MDFIC: variants seen among roughly 807,000 people sequenced by gnomAD.
MDFIC encodes the protein MyoD family inhibitor domain containing.
Under a neutral mutation model 23.2 loss-of-function variants are expected in MDFIC, and 17 were observed. The observed-to-expected ratio is 0.73, with a 90% confidence interval of 0.50 to 1.10. The LOEUF (loss-of-function observed/expected upper bound fraction) is 1.10, where lower values mean the gene tolerates loss of function less well. MDFIC is among the 50% of genes least tolerant of loss of function. The pLI, the probability that MDFIC is intolerant of heterozygous loss-of-function variation, is 0.00. For synonymous variants in MDFIC, 120 were observed against 115.2 expected, an observed-to-expected ratio of 1.04 and a Z score of -0.27; for missense variants, 356 against 316.6, an observed-to-expected ratio of 1.12 and a Z score of -0.95.
At position 114,942,377 on chromosome 7, in the gene MDFIC, C is replaced by T. The variant is rs758416759; in HGVS notation, c.197C>T (p.Ser66Leu). 43 of 1,600,852 alleles carry T rather than the reference C, an allele frequency of 2.7e-5. No individual in the cohort carries two copies. Among genetic ancestry groups the T allele is most frequent in the East Asian group, 4.5e-5 (2 of 44,442 alleles). Residue 66 changes from serine (S) to leucine (L), a missense_variant, in exon 3 of 5, where the codon TCG (serine) becomes TTG (leucine). Ser to Leu is a moderately radical substitution (Grantham distance 145, BLOSUM62 -2). Transcript: ENST00000393486. ...MQDQSIWGNP[S>L]DGELIRTQPQ... ...GACCAGTCCATTTGGGGAAATCCTT[C>T]GGATGGTGAACTCATTAGAAGTAAG...
chr7:114,973,191 A>T (rs571344689), intron 3 of MDFIC, among the ~76,000 whole-genome samples: 1 of 151,910 alleles, frequency 6.6e-6, no homozygotes, highest in East Asian at 1.9e-4. Context: ...GAAGCTATTA[A>T]TGTTTTATAG....
chr7:114,938,539 C>T (rs1792476024), intron 2 of MDFIC, among the ~76,000 whole-genome samples: 1 of 152,082 alleles, frequency 6.6e-6, no homozygotes, highest in African/African-American at 2.4e-5. Flanking sequence ...GAGTTGAAAT[C>T]TCTTAGGTTG....
At chr7:114,979,249 A>C (rs1793372660) in intron 3 of MDFIC, among the ~76,000 whole-genome samples, 1 of 152,166 alleles carries the variant, frequency 6.6e-6, no homozygotes, top group African/African-American at 2.4e-5. Flanking sequence ...AAAACCGCCC[A>C]AAACAGTATT....
intron 3 of MDFIC, among the ~76,000 whole-genome samples, chr7:114,965,990 C>A (rs532299591): frequency 5.9e-5 from 9 of 152,246 alleles, no homozygotes; most frequent in South Asian, 2.1e-4. Flanking sequence ...CATATATGTA[C>A]AGTATGCCAA....
intron 3 of MDFIC, among the ~76,000 whole-genome samples, chr7:114,977,346 T>C (rs572160050): frequency 2.6e-4 from 39 of 152,250 alleles, no homozygotes; most frequent in African/African-American, 7.9e-4. Context: ...AAGGATCATG[T>C]CCATCCATTC....
At chr7:114,965,901 G>T (rs377602497) in intron 3 of MDFIC, among the ~76,000 whole-genome samples, 172 of 152,242 alleles carry the variant, frequency 1.1e-3, no homozygotes, top group African/African-American at 4.0e-3. Flanking sequence ...TTCCCCAGAA[G>T]AGTACTTTGG....
chr7:114,931,826 G>A (rs1051109505), intron 2 of MDFIC, among the ~76,000 whole-genome samples: 4 of 152,154 alleles, frequency 2.6e-5, no homozygotes, highest in African/African-American at 4.8e-5. Context: ...GAATTATGCC[G>A]TGTTGAGCCT....
chr7:114,963,594 G>A (rs527638119), intron 3 of MDFIC, among the ~76,000 whole-genome samples: 1 of 152,246 alleles, frequency 6.6e-6, no homozygotes, highest in Admixed American at 6.5e-5. Context: ...TTGTTTTTGA[G>A]GCAAGATGTG....
chr7:114,929,034 T>A (rs1027314633), intron 2 of MDFIC, among the ~76,000 whole-genome samples: 4 of 149,868 alleles, frequency 2.7e-5, no homozygotes, highest in African/African-American at 9.8e-5. Flanking sequence ...GTAAAAAATA[T>A]AGATATAGAT....
rs1004113871 is a variant in MDFIC, at chr7:115,015,473, CT to C, written c.494-204del. ...TGAACACATGTGCGTACACACAATA[CT>C]TTTTTTTTTTCGAACTAAGTATCTA... On this transcript the variant is annotated intron_variant, in intron 4 of 4. Transcript: ENST00000393486. Among the ~76,000 whole-genome samples, 53 of 147,570 alleles carry C rather than the reference CT, an allele frequency of 3.6e-4. 1 individual carries two copies. In the East Asian group the frequency reaches 3.9e-3, roughly 11 times the overall value.
chr7:114,965,983 A>G (rs1793087626), intron 3 of MDFIC, among the ~76,000 whole-genome samples: 1 of 152,182 alleles, frequency 6.6e-6, no homozygotes. Flanking sequence ...AATTTTCCAT[A>G]TATGTACAGT....
intron 3 of MDFIC, among the ~76,000 whole-genome samples, chr7:114,955,011 A>G (rs1287977505): frequency 6.6e-6 from 1 of 152,106 alleles, no homozygotes; most frequent in African/African-American, 2.4e-5. Flanking sequence ...TTTGCATACC[A>G]GATCTTCCTT....
chr7:114,964,498 T>C (rs1793056448), intron 3 of MDFIC, among the ~76,000 whole-genome samples: 1 of 131,930 alleles, frequency 7.6e-6, no homozygotes, highest in South Asian at 2.9e-4. Context: ...CCCCTCCCCT[T>C]CCCTTCCCTT....
chr7:114,969,563 C>T (rs910659487), intron 3 of MDFIC, among the ~76,000 whole-genome samples: 1 of 152,092 alleles, frequency 6.6e-6, no homozygotes, highest in Non-Finnish European at 1.5e-5. Flanking sequence ...ATTAAAAATA[C>T]TTTATTTTTG....
rs1042703344 is a variant in MDFIC, at chr7:114,923,509, T to A, written c.94+382T>A. ...CGCAGCTCTCTGAACAAGCGTGCAC[T>A]TACTCCATTTCATCTTTCTGTTTCT... On this transcript the variant is annotated intron_variant, in intron 2 of 4. Coordinates refer to ENST00000393486, the MANE Select transcript of MDFIC (RefSeq NM_001166345.3). The A allele has an allele frequency of 2.6e-6, 4 of 1,537,468 alleles. No homozygotes were observed. In the African/African-American group the frequency reaches 5.5e-5, roughly 21 times the overall value.
In MDFIC at chr7:114,933,253, C is replaced by CTT. The variant is rs34608476; in HGVS notation, c.95-9006_95-9005dup. 6.7e-3 allele frequency among the ~76,000 whole-genome samples: 916 copies of CTT among 135,768 alleles called. 6 individuals are homozygous for CTT. Among genetic ancestry groups the CTT allele is most frequent in the African/African-American group, 0.016 (571 of 36,798 alleles). The allele number at this position is 135,768 out of a possible 152,430, so 89.1% of individuals were successfully genotyped here. On this transcript the variant is annotated intron_variant, in intron 2 of 4. Transcript: ENST00000393486. ...GGGGAAGATGATAGAGTGTTCCATT[C>CTT]TTTTTTTTTTTTTTTTTCCTTTTGA...
intron 4 of MDFIC, among the ~76,000 whole-genome samples, chr7:115,007,922 C>G (rs1009647880): frequency 6.8e-6 from 1 of 146,058 alleles, no homozygotes; most frequent in Non-Finnish European, 1.5e-5. Flanking sequence ...TAGTCAAACT[C>G]CTGGGCTCAA....
At chr7:114,951,861 A>G (rs1792780577) in intron 3 of MDFIC, among the ~76,000 whole-genome samples, 1 of 152,186 alleles carries the variant, frequency 6.6e-6, no homozygotes, top group Non-Finnish European at 1.5e-5. Context: ...TGTAGGAGAT[A>G]GAACCAGCTA....
chr7:114,995,154 G>T (rs1183582798), intron 4 of MDFIC, among the ~76,000 whole-genome samples: 1 of 152,170 alleles, frequency 6.6e-6, no homozygotes, highest in African/African-American at 2.4e-5. Flanking sequence ...ACTGAAGCTT[G>T]TGCATTCATC....
Sources: allele counts gnomAD v4.1 joint callset (sites outside exome capture counted in the v4.1 genomes callset), GRCh38; gene constraint gnomAD v4.1.1; transcripts MANE v1.5; gene names NCBI Gene and HGNC (gene_info 2026-07-23, HGNC 2026-07-21).